Variants in POLA1 observed in about 807,000 individuals in gnomAD.
POLA1 encodes the protein DNA polymerase alpha catalytic subunit.
Under a neutral mutation model 124.0 loss-of-function variants are expected in POLA1, and 15 were observed. That is an observed-to-expected ratio of 0.12 (90% confidence interval 0.08 to 0.19). The LOEUF is 0.19. Ranked by LOEUF, POLA1 falls within the 10% of genes least tolerant of loss-of-function variation. POLA1 has a pLI of 1.00. For missense variants in POLA1, 886 were observed against 1,103.4 expected (o/e 0.80, Z 2.79); for synonymous variants, 408 against 389.4 (o/e 1.05, Z -0.56).
intron 36 of POLA1, among the ~76,000 whole-genome samples, chrX:24,986,736 A>G (rs1423387811): frequency 1.8e-5 from 2 of 110,316 alleles, no homozygotes; most frequent in South Asian, 8.0e-4. Context: ...TAACATATAT[A>G]TATATATATG....
chrX:24,892,982 C>A (rs2047161507), intron 35 of POLA1, among the ~76,000 whole-genome samples: 1 of 112,041 alleles, frequency 8.9e-6, no homozygotes, highest in African/African-American at 3.2e-5. Flanking sequence ...CATTGTAGGA[C>A]TTCTGTCCTT....
chrX:24,956,831 T>C (rs180833940), intron 36 of POLA1, among the ~76,000 whole-genome samples: 1 of 112,261 alleles, frequency 8.9e-6, no homozygotes, highest in East Asian at 2.8e-4. Context: ...GAATACCTGT[T>C]ACATACCTAC....
chrX:24,890,253 A>G (rs1351930993), intron 35 of POLA1, among the ~76,000 whole-genome samples: 3 of 109,940 alleles, frequency 2.7e-5, no homozygotes, highest in Non-Finnish European at 5.7e-5. Flanking sequence ...ATGCCTGGCT[A>G]GTTTTTGTAT....
intron 26 of POLA1, among the ~76,000 whole-genome samples, chrX:24,756,138 A>G (rs1932587486): frequency 8.9e-6 from 1 of 112,274 alleles, no homozygotes; most frequent in African/African-American, 3.2e-5. Flanking sequence ...TTGCAAACCC[A>G]TGGTCTAAAA....
At chrX:24,839,286 C>A (rs939053820) in intron 32 of POLA1, among the ~76,000 whole-genome samples, 1 of 111,307 alleles carries the variant, frequency 9.0e-6, no homozygotes, top group Admixed American at 9.5e-5. Context: ...GAAGCTCCTT[C>A]CCCTGGGGAA....
chrX:24,733,767 C>T lies in POLA1; in HGVS notation c.1784C>T (p.Pro595Leu). ...TTCCTTTTTACAGTTGTGTCTAAACCAAAGGACTGTATTTTTCCATATGCT... is the reference window on the plus strand; with the variant it reads ...TTCCTTTTTACAGTTGTGTCTAAACTAAAGGACTGTATTTTTCCATATGCT... ...FQSHFCVVSK[P>L]KDCIFPYAFK... Residue 595 changes from proline (P) to leucine (L), a missense_variant, in exon 17 of 37, where the codon CCA becomes CTA. Around this residue, in one of 7 missense-constraint regions of POLA1, gnomAD observed 337 missense variants for 402.8 expected, o/e 0.84. Transcript: ENST00000379068. 1 of 1,132,277 alleles carries T rather than the reference C, an allele frequency of 8.8e-7. No individual in the cohort carries two copies. The highest frequency in any genetic ancestry group is 1.2e-6 in the Non-Finnish European group (1 of 833,227). The allele number at this position is 1,132,277 out of a possible 1,213,427, so 93.3% of individuals were successfully genotyped here.
At chrX:24,918,523 A>G in intron 35 of POLA1, among the ~76,000 whole-genome samples, 1 of 111,930 alleles carries the variant, frequency 8.9e-6, no homozygotes, top group Non-Finnish European at 1.9e-5. Context: ...CATTTTTTCT[A>G]TTTAAACTCA....
intron 34 of POLA1, among the ~76,000 whole-genome samples, chrX:24,870,950 C>A (rs2046855914): frequency 9.0e-6 from 1 of 111,585 alleles, no homozygotes; most frequent in African/African-American, 3.3e-5. Flanking sequence ...ACGGTTCTTG[C>A]AATTTAGAAA....
At chrX:24,853,886 A>T (rs2046602168) in intron 34 of POLA1, among the ~76,000 whole-genome samples, 1 of 112,503 alleles carries the variant, frequency 8.9e-6, no homozygotes, top group Admixed American at 9.4e-5. Context: ...ACTTCAACAC[A>T]TGATAATAAA....
At chrX:24,917,100 T>C (rs1360394558) in intron 35 of POLA1, among the ~76,000 whole-genome samples, 1 of 111,446 alleles carries the variant, frequency 9.0e-6, no homozygotes, top group Non-Finnish European at 1.9e-5. Context: ...GAGACCAGCC[T>C]GGCCAACATG....
intron 36 of POLA1, among the ~76,000 whole-genome samples, chrX:24,988,215 T>G (rs2048499003): frequency 8.9e-6 from 1 of 112,685 alleles, no homozygotes; most frequent in Non-Finnish European, 1.9e-5. Context: ...CCACCTGTGG[T>G]AAATGACTGT....
At chrX:24,971,734 C>G (rs1055152079) in intron 36 of POLA1, among the ~76,000 whole-genome samples, 1 of 111,265 alleles carries the variant, frequency 9.0e-6, no homozygotes, top group East Asian at 2.8e-4. Context: ...ATTTACTAAC[C>G]ATGGAAGCAC....
In POLA1 at chrX:24,806,171, C is replaced by T. The variant is rs954882488; in HGVS notation, c.2965-3727C>T. 1.9e-4 allele frequency among the ~76,000 whole-genome samples: 17 copies of T among 90,434 alleles called. 1 individual carries two copies. The highest frequency in any genetic ancestry group is 4.2e-5 in the Non-Finnish European group (2 of 48,123). The allele number at this position is 90,434 out of a possible 115,157, so 78.5% of individuals were successfully genotyped here. On this transcript the variant is annotated intron_variant, in intron 26 of 36. Transcript: ENST00000379068. ...CATAAAGTCCAGCTTCTGGATCAAG[C>T]TTTTGGGCAAAATCTCAGAGCCTAA...
chrX:24,743,152 G>T, intron 22 of POLA1, 78 bp from the exon 23 acceptor site: 2 of 544,826 alleles, frequency 3.7e-6, no homozygotes, highest in South Asian at 7.2e-5. Flanking sequence ...CCTGCAATTG[G>T]AAAAGAGAGA....
chrX:24,961,444 A>G (rs2048166452), intron 36 of POLA1, among the ~76,000 whole-genome samples: 1 of 111,714 alleles, frequency 9.0e-6, no homozygotes, highest in Admixed American at 9.6e-5. Context: ...ATAGTGCCAA[A>G]TATTAGCAAG....
At chrX:24,944,588 A>T (rs1183649659) in intron 36 of POLA1, among the ~76,000 whole-genome samples, 1 of 112,111 alleles carries the variant, frequency 8.9e-6, no homozygotes, top group Non-Finnish European at 1.9e-5. Flanking sequence ...TATCTTTTTC[A>T]TTGCAGCAGA....
At chrX:24,860,540 T>G (rs2046702749) in intron 34 of POLA1, among the ~76,000 whole-genome samples, 1 of 112,825 alleles carries the variant, frequency 8.9e-6, no homozygotes, top group African/African-American at 3.2e-5. Flanking sequence ...TTTCCCATTT[T>G]TGGAAGATAA....
At chrX:24,982,128 C>T (rs1478106221) in intron 36 of POLA1, among the ~76,000 whole-genome samples, 7 of 108,846 alleles carry the variant, frequency 6.4e-5, no homozygotes, top group African/African-American at 1.7e-4. Context: ...TGATGAGCAG[C>T]GAATTGCTTT....
intron 16 of POLA1, 40 bp downstream of exon 16, chrX:24,732,494 T>G: frequency 1.2e-6 from 1 of 836,908 alleles, no homozygotes; most frequent in East Asian, 3.1e-5. Context: ...AACAGCTTGA[T>G]TTGAATTTCC....
Sources: allele counts gnomAD v4.1 joint callset (sites outside exome capture counted in the v4.1 genomes callset), GRCh38; gene constraint gnomAD v4.1.1; regional missense constraint gnomAD v4.1.1; transcripts MANE v1.5; gene names NCBI Gene and HGNC (gene_info 2026-07-23, HGNC 2026-07-21).